Variants in MSH3 observed in about 807,000 individuals in gnomAD.
MSH3 encodes the protein DNA mismatch repair protein Msh3.
In MSH3, 106 loss-of-function variants were observed where a neutral mutation model predicts 123.3. That is an observed-to-expected ratio of 0.86 (90% CI 0.73 to 1.01). The LOEUF is 1.01. Ranked by LOEUF, MSH3 falls within the 50% of genes least tolerant of loss-of-function variation. The pLI is 0.00. For synonymous variants in MSH3, 515 were observed against 481.4 expected, an observed-to-expected ratio of 1.07 and a Z score of -0.91; for missense variants, 1,459 against 1,347.6, an observed-to-expected ratio of 1.08 and a Z score of -1.29.
intron 20 of MSH3, among the ~76,000 whole-genome samples, chr5:80,850,449 A>G (rs1745811170): frequency 6.6e-6 from 1 of 152,222 alleles, no homozygotes. Flanking sequence ...TTACAAAAGA[A>G]AGAGGTTTAC....
intron 20 of MSH3, among the ~76,000 whole-genome samples, chr5:80,847,999 A>C (rs1445015255): frequency 6.6e-6 from 1 of 152,214 alleles, no homozygotes; most frequent in East Asian, 1.9e-4. Context: ...TGGGAGGCTG[A>C]GGCTGGTGGA....
intron 21 of MSH3, among the ~76,000 whole-genome samples, chr5:80,858,452 T>A (rs1485573572): frequency 6.6e-6 from 1 of 152,226 alleles, no homozygotes; most frequent in Non-Finnish European, 1.5e-5. Context: ...TTTCTCTTTA[T>A]TTCTTTTTTG....
chr5:80,835,097 C>G (rs143857406), intron 20 of MSH3, among the ~76,000 whole-genome samples: 1 of 152,330 alleles, frequency 6.6e-6, no homozygotes, highest in Non-Finnish European at 1.5e-5. Flanking sequence ...CAGACAAGCT[C>G]TTCCCTTCTG....
At chr5:80,734,962 A>G (rs1743477487) in intron 10 of MSH3, among the ~76,000 whole-genome samples, 1 of 152,124 alleles carries the variant, frequency 6.6e-6, no homozygotes, top group African/African-American at 2.4e-5. Context: ...CTTATTGTTT[A>G]TGATTGGAGG....
intron 19 of MSH3, among the ~76,000 whole-genome samples, chr5:80,797,381 A>G (rs971892582): frequency 9.2e-5 from 14 of 152,236 alleles, no homozygotes; most frequent in African/African-American, 3.1e-4. Flanking sequence ...CAGATTTAAT[A>G]AATCAGTAAG....
At chr5:80,842,692 T>C (rs1394152988) in intron 20 of MSH3, among the ~76,000 whole-genome samples, 1 of 152,220 alleles carries the variant, frequency 6.6e-6, no homozygotes, top group Non-Finnish European at 1.5e-5. Context: ...AGTACACTCA[T>C]GATTTGGCTA....
intron 10 of MSH3, 139 bp from the exon 11 acceptor site, chr5:80,741,325 A>G: frequency 1.5e-6 from 1 of 674,058 alleles, no homozygotes; most frequent in South Asian, 1.7e-5. Flanking sequence ...ATGAATTTTC[A>G]TTTTGCTCCT....
Position 80,810,172 on chromosome 5 carries a change from CATAT to C in MSH3, c.2656-3392_2656-3389del, listed in dbSNP as rs113702568. 4.8e-4 allele frequency among the ~76,000 whole-genome samples: 58 copies of C among 121,568 alleles called. 1 individual carries two copies. In the East Asian group the frequency reaches 8.9e-3, roughly 19 times the overall value. The allele number at this position is 121,568 out of a possible 152,430, so 79.8% of individuals were successfully genotyped here. On this transcript the variant is annotated intron_variant, in intron 19 of 23. Coordinates refer to ENST00000265081, the MANE Select transcript of MSH3 (RefSeq NM_002439.5). ...GGTTTTTATTCTTTTGTTTGACATA[CATAT>C]ATATATATATATATATATAAACTAG...
intron 7 of MSH3, among the ~76,000 whole-genome samples, chr5:80,676,010 G>A (rs1698396344): frequency 6.6e-6 from 1 of 152,120 alleles, no homozygotes; most frequent in Non-Finnish European, 1.5e-5. Flanking sequence ...CTAGATAAAT[G>A]TAATTTGTGA....
chr5:80,655,827 G>A (rs1749270352), intron 1 of MSH3, among the ~76,000 whole-genome samples: 1 of 152,022 alleles, frequency 6.6e-6, no homozygotes, highest in Non-Finnish European at 1.5e-5. Flanking sequence ...GACGAGCTAC[G>A]TTTTCATGAA....
At chr5:80,819,793 A>G (rs1041407634) in intron 20 of MSH3, among the ~76,000 whole-genome samples, 1 of 152,086 alleles carries the variant, frequency 6.6e-6, no homozygotes, top group Admixed American at 6.6e-5. Context: ...GGCCAAAAAC[A>G]TATTTTTATT....
intron 7 of MSH3, among the ~76,000 whole-genome samples, chr5:80,675,645 G>A (rs6151651): frequency 0.23 from 34,521 of 152,094 alleles, 4,108 homozygotes; most frequent in Non-Finnish European, 0.27. Flanking sequence ...TCAGCATTGG[G>A]GATTACAATT....
intron 2 of MSH3, among the ~76,000 whole-genome samples, chr5:80,658,774 T>TATA (rs35929737): frequency 6.6e-6 from 1 of 151,860 alleles, no homozygotes; most frequent in Non-Finnish European, 1.5e-5. Context: ...AATATATATA[T>TATA]TTTTTTAGAG....
At chr5:80,659,447 T>C (rs1224331411) in intron 2 of MSH3, among the ~76,000 whole-genome samples, 8 of 152,174 alleles carry the variant, frequency 5.3e-5, no homozygotes, top group Non-Finnish European at 7.4e-5. Context: ...TAATCTACTT[T>C]CTGTGTATAG....
At chr5:80,855,998 C>T (rs541741562) in intron 21 of MSH3, among the ~76,000 whole-genome samples, 65 of 151,230 alleles carry the variant, frequency 4.3e-4, no homozygotes, top group African/African-American at 1.6e-3. Context: ...GATCCTTCCA[C>T]TTCGGCCTCC....
intron 20 of MSH3, among the ~76,000 whole-genome samples, chr5:80,844,393 G>A (rs1165816183): frequency 6.6e-6 from 1 of 152,158 alleles, no homozygotes; most frequent in African/African-American, 2.4e-5. Flanking sequence ...GGGGTGTGGA[G>A]TTCCGTAGAT....
At chr5:80,743,121 G>A (rs1743647316) in intron 11 of MSH3, among the ~76,000 whole-genome samples, 1 of 152,038 alleles carries the variant, frequency 6.6e-6, no homozygotes, top group Admixed American at 6.5e-5. Context: ...TTGGGTGTCA[G>A]CAAGAACAAG....
At chr5:80,850,188 A>T (rs1011194013) in intron 20 of MSH3, among the ~76,000 whole-genome samples, 79 of 152,188 alleles carry the variant, frequency 5.2e-4, no homozygotes, top group African/African-American at 1.9e-3. Context: ...CTCAGCCTGG[A>T]CCTTATTGTT....
At chr5:80,847,121 G>A (rs1480729921) in intron 20 of MSH3, among the ~76,000 whole-genome samples, 3 of 152,022 alleles carry the variant, frequency 2.0e-5, no homozygotes, top group Non-Finnish European at 4.4e-5. Flanking sequence ...GTGCAGTGGT[G>A]CAACCTCAGC....
Sources: gnomAD v4.1 joint callset for allele counts (sites outside exome capture counted in the v4.1 genomes callset) on GRCh38, gnomAD v4.1.1 for gene constraint, MANE v1.5 for transcripts, NCBI Gene and HGNC (gene_info 2026-07-23, HGNC 2026-07-21) for gene names.